The following LCORL variants were observed in gnomAD, a reference collection of about 807,000 sequenced individuals.
The protein encoded by LCORL is ligand-dependent nuclear receptor corepressor-like protein.
In LCORL, 41 loss-of-function variants were observed where a neutral mutation model predicts 141.8. The observed-to-expected ratio is 0.29, with a 90% CI of 0.23 to 0.38. The LOEUF (loss-of-function observed/expected upper bound fraction) is 0.38. LCORL is among the 10% of genes least tolerant of loss of function. LCORL has a pLI of 1.00. For missense variants in LCORL, 1,759 were observed against 2,035.0 expected, an observed-to-expected ratio of 0.86 and a Z score of 2.61; for synonymous variants, 618 against 694.1, an observed-to-expected ratio of 0.89 and a Z score of 1.72.
intron 1 of LCORL, among the ~76,000 whole-genome samples, chr4:18,016,574 T>C (rs1241735183): frequency 1.3e-5 from 2 of 152,160 alleles, no homozygotes; most frequent in African/African-American, 4.8e-5. Flanking sequence ...CCACCTAAAA[T>C]GTGTCTAGTC....
At chr4:17,875,729 T>G in exon 7 of LCORL, 1 of 1,231,270 alleles carries the variant, frequency 8.1e-7, no homozygotes, top group Non-Finnish European at 1.0e-6. Context: ...GTTTCACAAC[T>G]TGGGGACCTA....
At chr4:17,883,563 T>C in intron 6 of LCORL, 1 of 1,336,806 alleles carries the variant, frequency 7.5e-7, no homozygotes, top group Non-Finnish European at 9.5e-7. Context: ...GGCATGTAAG[T>C]GGTTTTTGAA....
chr4:17,936,408 GATAGTGGC>G lies in LCORL; in HGVS notation c.430+25487_430+25494del, dbSNP rs199580555. The stretch of plus-strand genomic sequence containing the variant: ...AAAAATCCAGAAAGATCAAATCAGT[GATAGTGGC>G]ATAGTGGCATAGTGGCAGGGCGTAG... On this transcript the variant is annotated intron_variant, in intron 4 of 7. Transcript: ENST00000635767. Among the ~76,000 whole-genome samples, 766 of 150,264 alleles carry G rather than the reference GATAGTGGC, an allele frequency of 5.1e-3. 4 individuals carry two copies. The highest frequency in any genetic ancestry group is 0.011 in the African/African-American group (455 of 40,944).
intron 1 of LCORL, among the ~76,000 whole-genome samples, chr4:18,005,855 C>T (rs188532954): frequency 2.2e-4 from 33 of 152,344 alleles, no homozygotes; most frequent in African/African-American, 6.7e-4. Flanking sequence ...GCCTCTGGGC[C>T]TGTGATGGCA....
At chr4:17,843,480 A>AAAG (rs1158368879) in exon 8 of LCORL, 21 of 1,582,516 alleles carry the variant, frequency 1.3e-5, no homozygotes, top group Non-Finnish European at 1.6e-5. Context: ...TTGCTTTAAT[A>AAAG]AAGAAGAAGT....
chr4:17,886,251 A>G (rs768389798), intron 5 of LCORL, 90 bp from the exon 6 acceptor site: 7 of 739,278 alleles, frequency 9.5e-6, no homozygotes, highest in South Asian at 6.3e-5. Context: ...GATCTAATTC[A>G]TAACACTAGT....
At chr4:17,851,091 A>G (rs2109100233) in intron 7 of LCORL, among the ~76,000 whole-genome samples, 1 of 139,652 alleles carries the variant, frequency 7.2e-6, no homozygotes, top group African/African-American at 2.7e-5. Flanking sequence ...GAACACATGG[A>G]CACAGGAAGG....
intron 4 of LCORL, among the ~76,000 whole-genome samples, chr4:17,923,647 G>A (rs1345697243): frequency 1.3e-5 from 2 of 149,350 alleles, no homozygotes; most frequent in East Asian, 2.0e-4. Flanking sequence ...CTCAATCCCC[G>A]TGCCCCACCC....
intron 5 of LCORL, among the ~76,000 whole-genome samples, chr4:17,899,793 A>G (rs557892991): frequency 7.9e-5 from 12 of 152,336 alleles, no homozygotes; most frequent in South Asian, 4.1e-4. Context: ...GATCAACTTT[A>G]TATCATATGA....
intron 5 of LCORL, among the ~76,000 whole-genome samples, chr4:17,897,016 A>G (rs1042375542): frequency 3.9e-5 from 6 of 152,076 alleles, no homozygotes; most frequent in African/African-American, 1.4e-4. Context: ...AATGACCTCC[A>G]GTTCCATCCA....
intron 5 of LCORL, among the ~76,000 whole-genome samples, chr4:17,902,264 G>C (rs147675000): frequency 6.6e-6 from 1 of 152,224 alleles, no homozygotes; most frequent in Non-Finnish European, 1.5e-5. Flanking sequence ...GCAGGAGAGC[G>C]TAGGCCTAGA....
At chr4:17,957,313 G>A (rs1019946884) in intron 4 of LCORL, among the ~76,000 whole-genome samples, 12 of 151,982 alleles carry the variant, frequency 7.9e-5, no homozygotes, top group African/African-American at 2.9e-4. Flanking sequence ...GCCTCCTTAT[G>A]TTACATAAAG....
At chr4:17,967,281 T>C (rs920395464) in intron 2 of LCORL, among the ~76,000 whole-genome samples, 2 of 152,192 alleles carry the variant, frequency 1.3e-5, no homozygotes, top group East Asian at 1.9e-4. Context: ...AGGTAGAGTT[T>C]AGAAGACGGT....
chr4:17,989,043 T>C (rs1006603047), intron 1 of LCORL, among the ~76,000 whole-genome samples: 1 of 152,224 alleles, frequency 6.6e-6, no homozygotes, highest in Non-Finnish European at 1.5e-5. Flanking sequence ...TCCATGGATG[T>C]GGCCAATTTA....
chr4:17,944,254 T>C (rs556109754), intron 4 of LCORL, among the ~76,000 whole-genome samples: 119 of 152,180 alleles, frequency 7.8e-4, no homozygotes, highest in Non-Finnish European at 1.4e-3. Context: ...TAAATTATTA[T>C]TGACTATAGA....
intron 1 of LCORL, among the ~76,000 whole-genome samples, chr4:17,981,128 T>C (rs754555487): frequency 6.6e-6 from 1 of 152,182 alleles, no homozygotes; most frequent in Non-Finnish European, 1.5e-5. Context: ...TATAACTTTT[T>C]TGTTGTTATT....
chr4:17,935,013 G>T (rs1190832034), intron 4 of LCORL, among the ~76,000 whole-genome samples: 1 of 152,082 alleles, frequency 6.6e-6, no homozygotes, highest in Non-Finnish European at 1.5e-5. Flanking sequence ...TCAATATGTA[G>T]TTTCATAGAG....
At chr4:17,918,069 C>T (rs1019125045) in intron 4 of LCORL, among the ~76,000 whole-genome samples, 3 of 152,164 alleles carry the variant, frequency 2.0e-5, no homozygotes, top group African/African-American at 7.2e-5. Context: ...CGATTGTAGA[C>T]GTATGAGGAA....
At chr4:17,869,056 T>G (rs1009760405) in intron 7 of LCORL, among the ~76,000 whole-genome samples, 1 of 151,590 alleles carries the variant, frequency 6.6e-6, no homozygotes, top group African/African-American at 2.4e-5. Flanking sequence ...TTTTTTTTTT[T>G]TTTTTTTAGA....
Sources: allele counts gnomAD v4.1 joint callset (sites outside exome capture counted in the v4.1 genomes callset), GRCh38; gene constraint gnomAD v4.1.1; transcripts MANE v1.5; gene names NCBI Gene and HGNC (gene_info 2026-07-23, HGNC 2026-07-21).